Variants in FAT3 observed in about 807,000 individuals in gnomAD.
FAT3 encodes FAT atypical cadherin 3.
FAT3 carries 95 observed loss-of-function variants against 310.2 expected under a neutral mutation model. The observed-to-expected ratio is 0.31, with a 90% CI of 0.26 to 0.36. The LOEUF is 0.36. Among genes scored for constraint, FAT3 ranks in the 10% least tolerant of loss-of-function variants. The pLI is 1.00. For synonymous variants in FAT3, 2,314 were observed against 2,192.9 expected (o/e 1.06, Z -1.54); for missense variants, 5,408 against 5,715.6 (o/e 0.95, Z 1.74).
chr11:92,750,550 C>G (rs1197326079), intron 4 of FAT3, among the ~76,000 whole-genome samples: 1 of 152,098 alleles, frequency 6.6e-6, no homozygotes, highest in Non-Finnish European at 1.5e-5. Flanking sequence ...GAAAGCAGAT[C>G]AGTCATTTCG....
At chr11:92,548,468 A>T (rs948317511) in intron 3 of FAT3, among the ~76,000 whole-genome samples, 6 of 152,170 alleles carry the variant, frequency 3.9e-5, no homozygotes, top group East Asian at 1.9e-4. Flanking sequence ...TTTATTTTTC[A>T]TAAGAAAAGG....
At chr11:92,701,077 C>G (rs765922981) in intron 4 of FAT3, among the ~76,000 whole-genome samples, 14 of 152,142 alleles carry the variant, frequency 9.2e-5, no homozygotes, top group Admixed American at 6.6e-5. Flanking sequence ...TAATTAACCT[C>G]CTGGAGAGTG....
intron 21 of FAT3, among the ~76,000 whole-genome samples, chr11:92,865,924 G>T (rs976344323): frequency 6.6e-6 from 1 of 152,096 alleles, no homozygotes; most frequent in Non-Finnish European, 1.5e-5. Context: ...CTCTGTTGTC[G>T]CACCCCAAAC....
chr11:92,268,843 C>T (rs1946038414), intron 1 of FAT3, among the ~76,000 whole-genome samples: 1 of 152,088 alleles, frequency 6.6e-6, no homozygotes, highest in Non-Finnish European at 1.5e-5. Flanking sequence ...CAATTTTCCT[C>T]CTTTTAAGGA....
At chr11:92,532,074 C>G (rs1016912942) in intron 3 of FAT3, among the ~76,000 whole-genome samples, 1 of 151,956 alleles carries the variant, frequency 6.6e-6, no homozygotes, top group South Asian at 2.1e-4. Flanking sequence ...AGCAAAGCAC[C>G]CTGTGCAAAA....
intron 4 of FAT3, among the ~76,000 whole-genome samples, chr11:92,716,509 T>A (rs965304633): frequency 1.3e-5 from 2 of 152,174 alleles, no homozygotes; most frequent in Non-Finnish European, 2.9e-5. Flanking sequence ...ACAAAAATTA[T>A]CTTTTTACTT....
intron 1 of FAT3, among the ~76,000 whole-genome samples, chr11:92,323,260 T>C (rs1591107492): frequency 6.6e-6 from 1 of 151,978 alleles, no homozygotes; most frequent in Non-Finnish European, 1.5e-5. Context: ...TGTGTATATA[T>C]ATATTTGAAA....
chr11:92,581,951 G>C (rs1179680836), intron 3 of FAT3, among the ~76,000 whole-genome samples: 1 of 152,036 alleles, frequency 6.6e-6, no homozygotes, highest in Non-Finnish European at 1.5e-5. Flanking sequence ...AAAGGAATAA[G>C]AGAGTGGCTG....
At chr11:92,283,134 C>T (rs1004153741) in intron 1 of FAT3, among the ~76,000 whole-genome samples, 7 of 152,068 alleles carry the variant, frequency 4.6e-5, no homozygotes, top group South Asian at 4.2e-4. Flanking sequence ...CAGCCCAGCC[C>T]GATTGTCTTA....
chr11:92,627,706 A>G (rs952490294), intron 3 of FAT3, among the ~76,000 whole-genome samples: 1 of 152,194 alleles, frequency 6.6e-6, no homozygotes, highest in Admixed American at 6.5e-5. Flanking sequence ...GACGTTCCTT[A>G]GCAATAACAT....
intron 2 of FAT3, among the ~76,000 whole-genome samples, chr11:92,461,720 A>G (rs888332822): frequency 1.3e-5 from 2 of 152,180 alleles, no homozygotes; most frequent in Non-Finnish European, 2.9e-5. Context: ...GGCACAGGGA[A>G]GAGGGCCAGA....
intron 3 of FAT3, among the ~76,000 whole-genome samples, chr11:92,540,812 A>G (rs141424513): frequency 7.8e-4 from 118 of 152,126 alleles, no homozygotes; most frequent in African/African-American, 2.8e-3. Context: ...TAAGCTTTCC[A>G]TATAATTACA....
chr11:92,852,118 T>G (rs572076594), intron 19 of FAT3, among the ~76,000 whole-genome samples: 71 of 152,286 alleles, frequency 4.7e-4, no homozygotes, highest in Non-Finnish European at 7.5e-4. Flanking sequence ...CATGGGTATA[T>G]CTGAGACCAA....
intron 22 of FAT3, among the ~76,000 whole-genome samples, chr11:92,877,999 A>G (rs1949571725): frequency 6.6e-6 from 1 of 152,218 alleles, no homozygotes. Flanking sequence ...ATAAAGTCAA[A>G]AAATCATAAG....
intron 4 of FAT3, among the ~76,000 whole-genome samples, chr11:92,748,255 A>G (rs1945731736): frequency 6.6e-6 from 1 of 152,148 alleles, no homozygotes; most frequent in Non-Finnish European, 1.5e-5. Context: ...TTCCATTTAT[A>G]AAACCATCAG....
At chr11:92,269,625 GTAA>G (rs1473787936) in intron 1 of FAT3, among the ~76,000 whole-genome samples, 21 of 152,100 alleles carry the variant, frequency 1.4e-4, no homozygotes, top group Non-Finnish European at 2.8e-4. Context: ...AAAAGAAAGG[GTAA>G]TAATAAAACC....
intron 1 of FAT3, among the ~76,000 whole-genome samples, chr11:92,280,207 A>G (rs908141330): frequency 3.3e-5 from 5 of 152,050 alleles, no homozygotes; most frequent in Admixed American, 2.0e-4. Flanking sequence ...AGGTACTTTG[A>G]CTCTCTGACT....
At chr11:92,566,794 C>T (rs1221113547) in intron 3 of FAT3, among the ~76,000 whole-genome samples, 2 of 152,118 alleles carry the variant, frequency 1.3e-5, no homozygotes, top group Non-Finnish European at 2.9e-5. Context: ...GGAAAGGATT[C>T]CCTATTTAAT....
rs767937899 is a variant in FAT3, at chr11:92,835,063, G to T, written c.10065G>T (p.Leu3355Phe). Residue 3355 changes from leucine (L) to phenylalanine (F), a missense_variant, in exon 15 of 28, where the codon TTG (leucine) becomes TTT (phenylalanine). By Grantham distance (22) the Leu-to-Phe change is conservative. This residue lies in a region of FAT3 where 4,588 missense variants were observed against 4,809.8 expected (regional missense o/e 0.95). Coordinates refer to ENST00000525166, the MANE Select transcript of FAT3 (RefSeq NM_001367949.2). ...VYSAVISEDA[L>F]VGDSVILLIA... is the part of the protein sequence containing the mutation. Reference sequence around the variant, plus strand: ...GTGCGGTTATCAGTGAAGACGCCTTGGTGGGAGACTCTGTCATTTTGGTAG... The same window carrying T: ...GTGCGGTTATCAGTGAAGACGCCTTTGTGGGAGACTCTGTCATTTTGGTAG... 2.5e-6 allele frequency: 4 copies of T among 1,612,792 alleles called. No individual in the cohort carries two copies. Among genetic ancestry groups the T allele is most frequent in the Non-Finnish European group, 3.4e-6 (4 of 1,179,574 alleles).
Sources: allele counts gnomAD v4.1 joint callset (sites outside exome capture counted in the v4.1 genomes callset), GRCh38; gene constraint gnomAD v4.1.1; regional missense constraint gnomAD v4.1.1; transcripts MANE v1.5; gene names NCBI Gene and HGNC (gene_info 2026-07-23, HGNC 2026-07-21).